The following GAD2 variants were observed in gnomAD, a reference collection of about 807,000 sequenced individuals.
The protein encoded by GAD2 is glutamate decarboxylase 2.
GAD2 carries 22 observed loss-of-function variants against 80.1 expected under a neutral mutation model. The ratio of observed to expected loss-of-function variants is 0.27; its 90% confidence interval spans 0.20 to 0.39. The LOEUF is 0.39. Ranked by LOEUF, GAD2 falls within the 10% of genes least tolerant of loss-of-function variation. The probability of loss-of-function intolerance (pLI) is 1.00; values close to 1 mark genes in which losing one functional copy is unlikely to be tolerated. For synonymous variants in GAD2, 274 were observed against 256.9 expected, an observed-to-expected ratio of 1.07 and a Z score of -0.64; for missense variants, 624 against 738.4, an observed-to-expected ratio of 0.85 and a Z score of 1.80.
At chr10:26,224,450 A>C (rs906496802) in intron 5 of GAD2, 89 bp from the exon 6 acceptor site, 10 of 843,358 alleles carry the variant, frequency 1.2e-5, no homozygotes, top group Admixed American at 8.4e-5. Context: ...GTATGTTTTG[A>C]AAAAGGAAAT....
intron 13 of GAD2, among the ~76,000 whole-genome samples, chr10:26,289,964 A>G (rs1834195540): frequency 6.6e-6 from 1 of 152,026 alleles, no homozygotes; most frequent in African/African-American, 2.4e-5. Context: ...GTTTCATAGC[A>G]AATCTCTGTG....
At chr10:26,238,398 A>G (rs1844701272) in intron 7 of GAD2, among the ~76,000 whole-genome samples, 1 of 152,194 alleles carries the variant, frequency 6.6e-6, no homozygotes, top group Non-Finnish European at 1.5e-5. Flanking sequence ...ATGATCCACA[A>G]TCATAGAAAT....
Position 26,217,435 on chromosome 10 carries a change from C to T in GAD2, c.77-175C>T, listed in dbSNP as rs576632176. Among the ~76,000 whole-genome samples the T allele has an allele frequency of 1.3e-5, 2 of 152,306 alleles. No individual in the cohort carries two copies. The highest frequency in any genetic ancestry group is 3.9e-4 in the East Asian group (2 of 5,168). On this transcript the variant is annotated intron_variant, in intron 1 of 15. Transcript: ENST00000376261. The surrounding 1 kb of genome is among the most constrained non-coding windows in gnomAD (Gnocchi z 4.9). Reference sequence around the variant, plus strand: ...AATGAGGGCTGGCCCGGGCCGCCAGCCTCCCGCTTGCCTTCTGCACCTGCC... The same window carrying T: ...AATGAGGGCTGGCCCGGGCCGCCAGTCTCCCGCTTGCCTTCTGCACCTGCC...
chr10:26,301,335 G>A lies in GAD2; in HGVS notation c.*374G>A. The stretch of plus-strand genomic sequence containing the variant: ...AAGGTTCTTTGGGGTGCAGTAAAAA[G>A]GACAAAGTAAATATAAAATATATGT... On this transcript the variant is annotated 3_prime_UTR_variant, in exon 16 of 16. Transcript: ENST00000376261. The A allele has an allele frequency of 6.4e-6, 1 of 155,478 alleles. No individual in the cohort carries two copies. Among genetic ancestry groups the A allele is most frequent in the Non-Finnish European group, 1.4e-5 (1 of 70,316 alleles). 9.6% of individuals were successfully genotyped at this position (155,478 alleles called of 1,614,324 possible).
At chr10:26,292,317 G>A (rs1349499058) in intron 13 of GAD2, 148 bp from the exon 14 acceptor site, 5 of 596,018 alleles carry the variant, frequency 8.4e-6, no homozygotes, top group Non-Finnish European at 1.5e-5. Flanking sequence ...AGAAAATAGC[G>A]CTGAAAAAGC....
chr10:26,226,325 C>T (rs188290550), intron 6 of GAD2, among the ~76,000 whole-genome samples: 56 of 152,312 alleles, frequency 3.7e-4, no homozygotes, highest in Admixed American at 3.7e-3. Flanking sequence ...CCTCCACCCT[C>T]ACTGATAATG....
chr10:26,280,447 G>A (rs887818168), intron 11 of GAD2, among the ~76,000 whole-genome samples: 2 of 152,144 alleles, frequency 1.3e-5, no homozygotes, highest in African/African-American at 2.4e-5. Context: ...AGGACAACTC[G>A]AACTGGGGAG....
chr10:26,300,739 G>C, intron 15 of GAD2, 49 bp from the exon 16 acceptor site: 1 of 1,569,408 alleles, frequency 6.4e-7, no homozygotes, highest in Non-Finnish European at 8.7e-7. Context: ...TTTGACTCAG[G>C]GGAGAGTCCC....
chr10:26,220,142 C>T (rs1844435012), intron 4 of GAD2, among the ~76,000 whole-genome samples: 2 of 152,156 alleles, frequency 1.3e-5, no homozygotes, highest in Admixed American at 6.5e-5. Flanking sequence ...TTTACGTTGT[C>T]TCTAATCATC....
intron 15 of GAD2, among the ~76,000 whole-genome samples, chr10:26,295,989 A>G (rs894407862): frequency 6.6e-6 from 1 of 152,210 alleles, no homozygotes; most frequent in African/African-American, 2.4e-5. Context: ...TGAGCTGCAA[A>G]AACAGACTAA....
intron 13 of GAD2, among the ~76,000 whole-genome samples, chr10:26,289,089 A>G (rs889353213): frequency 1.3e-5 from 2 of 150,624 alleles, no homozygotes; most frequent in Non-Finnish European, 3.0e-5. Flanking sequence ...TTTTTTTTTG[A>G]AAAACGAAAT....
At chr10:26,292,402 C>T (rs1288776802) in intron 13 of GAD2, 63 bp from the exon 14 acceptor site, 2 of 1,215,614 alleles carry the variant, frequency 1.6e-6, no homozygotes, top group East Asian at 2.3e-5. Flanking sequence ...GGTCAGTCTC[C>T]AGGGAAATCG....
In GAD2 at chr10:26,260,631, A is replaced by G. The variant is rs556738833; in HGVS notation, c.921-8488A>G. Among the ~76,000 whole-genome samples the G allele has an allele frequency of 3.9e-5, 6 of 152,262 alleles. No individual in the cohort carries two copies. In the South Asian group the frequency reaches 1.2e-3, roughly 32 times the overall value. On this transcript the variant is annotated intron_variant, in intron 8 of 15. Coordinates refer to ENST00000376261, the MANE Select transcript of GAD2 (RefSeq NM_001134366.2). ...TGCCAGAGCAAGATTCCATCTCAAG[A>G]AAACAAAAAAAACTTTCCAGACGTA... is the stretch of plus-strand genomic sequence containing the variant.
rs746375630 is a variant in GAD2, at chr10:26,218,005, G to A, written c.286+14G>A. ...TCCATGCAACAGGTAAAGACTCAGCGGGGAGCCCCGGGGCGCCCCTGCCCC... is the reference window on the plus strand; with the variant it reads ...TCCATGCAACAGGTAAAGACTCAGCAGGGAGCCCCGGGGCGCCCCTGCCCC... On this transcript the variant is annotated intron_variant, in intron 3 of 15. Coordinates refer to ENST00000376261, the MANE Select transcript of GAD2 (RefSeq NM_001134366.2). 6 of 1,584,648 alleles carry A rather than the reference G, an allele frequency of 3.8e-6. No individual in the cohort carries two copies. Among genetic ancestry groups the A allele is most frequent in the Non-Finnish European group, 5.2e-6 (6 of 1,164,944 alleles).
At position 26,243,563 on chromosome 10, in the gene GAD2, C is replaced by T. The variant is rs142915556; in HGVS notation, c.841-2358C>T. ...GCCTTTCTCAGCTCTCCAAATGGCA[C>T]GGTGATTACAACCATTGAGACACAC... On this transcript the variant is annotated intron_variant, in intron 7 of 15. Transcript: ENST00000376261. 4.9e-4 allele frequency among the ~76,000 whole-genome samples: 75 copies of T among 152,328 alleles called. 1 individual carries two copies. Among genetic ancestry groups the T allele is most frequent in the South Asian group, 3.5e-3 (17 of 4,832 alleles).
rs374885321 is a variant in GAD2 at position 26,233,797 on chromosome 10, C to T, written c.840+4020C>T. Among the ~76,000 whole-genome samples the T allele has an allele frequency of 2.6e-5, 4 of 152,310 alleles. No individual in the cohort carries two copies. The East Asian group carries it at 5.8e-4, about 22-fold the overall frequency. On this transcript the variant is annotated intron_variant, in intron 7 of 15. Transcript: ENST00000376261. ...ATCTTGGCATGGAGGCTTCTTTCCTCAATTGCTTGGCTGGCAGGGAGAAAG... is the reference window on the plus strand; with the variant it reads ...ATCTTGGCATGGAGGCTTCTTTCCTTAATTGCTTGGCTGGCAGGGAGAAAG...
rs757812882 is a variant in GAD2 at position 26,292,485 on chromosome 10, G to A, written c.1407G>A (p.Ala469=). The A allele has an allele frequency of 2.5e-6, 4 of 1,613,890 alleles. No individual in the cohort carries two copies. The highest frequency in any genetic ancestry group is 1.3e-5 in the African/African-American group (1 of 75,020). The change falls in exon 14 of 16, where the codon GCG becomes GCA. Residue 469 remains alanine (A), a synonymous_variant. Transcript: ENST00000376261. ...WRAKGTTGFE[A]HVDKCLELAE... Reference sequence around the variant, plus strand: ...CCTAGGGGACTACCGGGTTTGAAGCGCATGTTGATAAATGTTTGGAGTTGG... The same window carrying A: ...CCTAGGGGACTACCGGGTTTGAAGCACATGTTGATAAATGTTTGGAGTTGG...
chr10:26,228,124 G>A (rs8190620), intron 6 of GAD2, among the ~76,000 whole-genome samples: 2,805 of 152,290 alleles, frequency 0.018, 87 homozygotes, highest in African/African-American at 0.06. Context: ...TGTTCCCCTT[G>A]GTCAGGAGGT....
chr10:26,241,524 A>G (rs1371093212), intron 7 of GAD2, among the ~76,000 whole-genome samples: 1 of 150,662 alleles, frequency 6.6e-6, no homozygotes, highest in Non-Finnish European at 1.5e-5. Flanking sequence ...CCCATGTCAC[A>G]TATCCTTAAT....
Sources: gnomAD v4.1 joint callset for allele counts (sites outside exome capture counted in the v4.1 genomes callset) on GRCh38, gnomAD v4.1.1 for gene constraint, Gnocchi (gnomAD v3.1) non-coding constraint, MANE v1.5 for transcripts, NCBI Gene and HGNC (gene_info 2026-07-23, HGNC 2026-07-21) for gene names.